Variants in ADCY9 observed in about 807,000 individuals in gnomAD.
ADCY9 encodes adenylate cyclase type 9.
In ADCY9, 50 loss-of-function variants were observed where a neutral mutation model predicts 101.5. The ratio of observed to expected loss-of-function variants is 0.49; its 90% confidence interval spans 0.39 to 0.62. The LOEUF is 0.62. Among genes scored for constraint, ADCY9 ranks in the 20% least tolerant of loss-of-function variants. The pLI, the probability that ADCY9 is intolerant of heterozygous loss-of-function variation, is 0.00. For synonymous variants in ADCY9, 905 were observed against 769.3 expected (o/e 1.18, Z -2.92); for missense variants, 1,662 against 1,800.4 (o/e 0.92, Z 1.39).
intron 2 of ADCY9, chr16:4,031,941 C>G (rs900493067): frequency 6.6e-6 from 1 of 151,566 alleles, no homozygotes; most frequent in African/African-American, 2.4e-5. Flanking sequence ...CAAAAGCAAG[C>G]CAAAAAACAG....
chr16:4,040,676 C>T lies in ADCY9; in HGVS notation c.1694-33118G>A, dbSNP rs1258602611. On this transcript the variant is annotated intron_variant, in intron 2 of 10. Coordinates refer to ENST00000294016, the MANE Select transcript of ADCY9 (RefSeq NM_001116.4). ...TTCACCATGTTGGCCAGACTGGTCT[C>T]GAACTCCTGACCTCAGGTGATCCAC... 2.0e-5 allele frequency among the ~76,000 whole-genome samples: 3 copies of T among 152,172 alleles called. No homozygotes were observed. In the East Asian group the frequency reaches 5.8e-4, roughly 29 times the overall value.
intron 2 of ADCY9, among the ~76,000 whole-genome samples, chr16:4,084,369 C>G (rs2056924133): frequency 1.3e-5 from 2 of 152,042 alleles, no homozygotes; most frequent in Non-Finnish European, 2.9e-5. Context: ...GCCTCAGCCT[C>G]CCAAAGTGCT....
At chr16:4,067,754 C>G (rs999334048) in intron 2 of ADCY9, among the ~76,000 whole-genome samples, 1 of 152,142 alleles carries the variant, frequency 6.6e-6, no homozygotes, top group African/African-American at 2.4e-5. Context: ...TCTCCCTCAC[C>G]GGGAGGTGGA....
rs1318198374 is a variant in ADCY9, at chr16:4,007,457, C to A, written c.1795G>T (p.Val599Leu). Residue 599 changes from valine (V) to leucine (L), a missense_variant, in exon 3 of 11, where the codon GTG becomes TTG. Val to Leu is a conservative substitution (Grantham distance 32). Around this residue, in one of 5 missense-constraint regions of ADCY9, gnomAD observed 624 missense variants for 639.1 expected, o/e 0.98. Transcript: ENST00000294016. ...SGFEVIDGSQ[V>L]SSGPRGQGTA... Reference sequence around the variant, plus strand: ...CCCTGTCCCCTAGGGCCTGAGGACACCTGTGAGCCGTCAATGACCTCAAAG... The same window carrying A: ...CCCTGTCCCCTAGGGCCTGAGGACAACTGTGAGCCGTCAATGACCTCAAAG... The A allele has an allele frequency of 6.2e-7, 1 of 1,614,124 alleles. No homozygotes were observed. Among genetic ancestry groups the A allele is most frequent in the Non-Finnish European group, 8.5e-7 (1 of 1,180,014 alleles).
At position 4,114,000 on chromosome 16, in the gene ADCY9, C is replaced by T. The variant is rs1394521856; in HGVS notation, c.1443G>A (p.Lys481=). 1.2e-6 allele frequency: 2 copies of T among 1,613,926 alleles called. No homozygotes were observed. Among genetic ancestry groups the T allele is most frequent in the South Asian group, 1.1e-5 (1 of 91,084 alleles). Residue 481 remains lysine (K), a synonymous_variant, in exon 2 of 11, where the codon AAG becomes AAA. Transcript: ENST00000294016. ...CCCCGACTCTCATGTTCACCATCTC[C>T]TTCTTCTCCTGGCAGAACTGCTCGA... is the stretch of plus-strand genomic sequence containing the variant. ...KAIEQFCQEK[K]EMVNMRVGVH... is the part of the protein sequence containing the mutation.
intron 8 of ADCY9, among the ~76,000 whole-genome samples, chr16:3,978,014 G>T (rs112695187): frequency 0.027 from 4,133 of 152,226 alleles, 200 homozygotes; most frequent in African/African-American, 0.093. Context: ...CACCGCTCCC[G>T]GCCTAATCCA....
At chr16:4,065,090 G>A (rs1024210540) in intron 2 of ADCY9, among the ~76,000 whole-genome samples, 15 of 152,164 alleles carry the variant, frequency 9.9e-5, no homozygotes, top group African/African-American at 3.4e-4. Flanking sequence ...ACATGACTGC[G>A]TGTGTCAATC....
chr16:3,965,565 A>T lies in ADCY9; in HGVS notation c.*210T>A. The T allele has an allele frequency of 1.7e-6, 1 of 600,112 alleles. No individual in the cohort carries two copies. 37.2% of individuals were successfully genotyped at this position (600,112 alleles called of 1,614,324 possible). A position where few individuals can be genotyped will look rare whatever the true frequency, so the allele number is the denominator to read the frequency against. ...CGTGCTGAACGGATGACCCAGAGGCAGCGGGGTTTCCAGGGAAGGGAGCGA... is the reference window on the plus strand; with the variant it reads ...CGTGCTGAACGGATGACCCAGAGGCTGCGGGGTTTCCAGGGAAGGGAGCGA... On this transcript the variant is annotated 3_prime_UTR_variant, in exon 11 of 11. Transcript: ENST00000294016.
chr16:3,960,551 C>A (rs559028867), downstream of ADCY9, among the ~76,000 whole-genome samples: 21 of 152,162 alleles, frequency 1.4e-4, no homozygotes, highest in East Asian at 2.3e-3. Flanking sequence ...ACAACAACAA[C>A]AAAAAATCAA....
rs562782916 is a variant in ADCY9, at chr16:4,086,846, G to A, written c.1693+26904C>T. 1.5e-4 allele frequency among the ~76,000 whole-genome samples: 23 copies of A among 151,936 alleles called. No homozygotes were observed. The South Asian group carries it at 4.8e-3, about 32-fold the overall frequency. On this transcript the variant is annotated intron_variant, in intron 2 of 10. Transcript: ENST00000294016. ...GGCTAATTTTTGTATTTTTAGTAGA[G>A]ATGGGGTTTCACCATGTTTCCCAAG...
chr16:4,005,145 C>G (rs1001385898), intron 3 of ADCY9, among the ~76,000 whole-genome samples: 3 of 152,126 alleles, frequency 2.0e-5, no homozygotes, highest in African/African-American at 4.8e-5. Context: ...CTAGTGAAGG[C>G]TCCGAGAAGT....
intron 2 of ADCY9, among the ~76,000 whole-genome samples, chr16:4,076,561 C>T (rs1030261040): frequency 1.3e-5 from 2 of 152,152 alleles, no homozygotes; most frequent in African/African-American, 4.8e-5. Context: ...CTTGTGATAA[C>T]CAGCACAAAG....
intron 2 of ADCY9, among the ~76,000 whole-genome samples, chr16:4,013,682 G>A (rs533165966): frequency 6.6e-6 from 1 of 152,322 alleles, no homozygotes; most frequent in Admixed American, 6.5e-5. Context: ...AAACGACCAA[G>A]CGGCATGAGA....
intron 2 of ADCY9, among the ~76,000 whole-genome samples, chr16:4,097,453 C>T (rs1380845934): frequency 1.1e-4 from 8 of 71,070 alleles, no homozygotes; most frequent in Middle Eastern, 0.011. Context: ...TGTGGAGTTA[C>T]ATATATATAT....
At chr16:4,020,110 T>C (rs2056464925) in intron 2 of ADCY9, among the ~76,000 whole-genome samples, 1 of 152,128 alleles carries the variant, frequency 6.6e-6, no homozygotes, top group Non-Finnish European at 1.5e-5. Context: ...AAGAACTTTC[T>C]ATGAACTTCC....
At chr16:3,955,952 T>G (rs1187019748) in intron 5 of ADCY9, among the ~76,000 whole-genome samples, 1 of 152,160 alleles carries the variant, frequency 6.6e-6, no homozygotes, top group Admixed American at 6.5e-5. Context: ...CAGCTTCACC[T>G]CCTGCGCTCA....
chr16:4,054,575 CTTT>C (rs913079110), intron 2 of ADCY9, among the ~76,000 whole-genome samples: 4 of 146,432 alleles, frequency 2.7e-5, no homozygotes, highest in African/African-American at 7.5e-5. Flanking sequence ...GGATTTTTTT[CTTT>C]TTTTTTTTTT....
At chr16:4,099,174 C>A (rs441786) in intron 2 of ADCY9, among the ~76,000 whole-genome samples, 38,068 of 151,992 alleles carry the variant, frequency 0.25, 5,272 homozygotes, top group Non-Finnish European at 0.31. Context: ...CTCAAGTGAT[C>A]CACCCGCCTC....
Position 3,965,745 on chromosome 16 carries a change from G to A in ADCY9, c.*30C>T. On this transcript the variant is annotated 3_prime_UTR_variant, in exon 11 of 11. Transcript: ENST00000294016. Reference sequence around the variant, plus strand: ...AAATATTACTGTGTTTCGACAAACAGAGCACCTCGGGCAGCGGGTGGGCGC... The same window carrying A: ...AAATATTACTGTGTTTCGACAAACAAAGCACCTCGGGCAGCGGGTGGGCGC... 1 of 1,580,420 alleles carries A rather than the reference G, an allele frequency of 6.3e-7. No individual in the cohort carries two copies. Among genetic ancestry groups the A allele is most frequent in the South Asian group, 1.1e-5 (1 of 87,370 alleles).
Sources: gnomAD v4.1 joint callset for allele counts (sites outside exome capture counted in the v4.1 genomes callset) on GRCh38, gnomAD v4.1.1 for gene constraint, gnomAD v4.1.1 regional missense constraint, MANE v1.5 for transcripts, NCBI Gene and HGNC (gene_info 2026-07-23, HGNC 2026-07-21) for gene names.